The following SNX29 variants were observed in gnomAD, a reference collection of about 807,000 sequenced individuals.
The protein encoded by SNX29 is sorting nexin 29.
SNX29 carries 78 observed loss-of-function variants against 102.1 expected under a neutral mutation model. The ratio of observed to expected loss-of-function variants is 0.76; its 90% CI spans 0.64 to 0.92. SNX29 has a LOEUF of 0.92. Ranked by LOEUF, SNX29 falls within the 40% of genes least tolerant of loss-of-function variation. SNX29 has a pLI of 0.00. For missense variants in SNX29, 1,280 were observed against 1,061.7 expected (o/e 1.21, Z -2.86); for synonymous variants, 580 against 414.5 (o/e 1.40, Z -4.85).
At position 12,493,887 on chromosome 16, in the gene SNX29, C is replaced by T. The variant is rs575175854; in HGVS notation, c.2178+16028C>T. 5.3e-5 allele frequency among the ~76,000 whole-genome samples: 8 copies of T among 152,318 alleles called. No individual in the cohort carries two copies. The South Asian group carries it at 1.7e-3, about 32-fold the overall frequency. ...GGTTACAGGCGTGAGCCACCGCACC[C>T]AGCCCTCATTTTGTTTTTGATTCAC... On this transcript the variant is annotated intron_variant, in intron 19 of 20. Coordinates refer to ENST00000566228, the MANE Select transcript of SNX29 (RefSeq NM_032167.5).
chr16:12,532,730 G>GT (rs1192490691), intron 20 of SNX29, among the ~76,000 whole-genome samples: 1 of 152,114 alleles, frequency 6.6e-6, no homozygotes, highest in Non-Finnish European at 1.5e-5. Context: ...AGGAAGAGGT[G>GT]TTGGCCTTGG....
chr16:12,477,412 A>G (rs562269158), intron 18 of SNX29, among the ~76,000 whole-genome samples: 4 of 152,296 alleles, frequency 2.6e-5, no homozygotes, highest in Admixed American at 2.0e-4. Flanking sequence ...GCTGCAATAC[A>G]CACATGACAG....
intron 19 of SNX29, among the ~76,000 whole-genome samples, chr16:12,489,168 A>G (rs1010436645): frequency 2.0e-5 from 3 of 152,190 alleles, no homozygotes; most frequent in Admixed American, 2.0e-4. Flanking sequence ...TTGGAGAATA[A>G]TTGCTACCTT....
At chr16:12,402,949 T>C (rs1200714850) in intron 17 of SNX29, among the ~76,000 whole-genome samples, 1 of 152,194 alleles carries the variant, frequency 6.6e-6, no homozygotes, top group African/African-American at 2.4e-5. Context: ...AGCTCGTTTG[T>C]GGAGTCTGAT....
intron 16 of SNX29, among the ~76,000 whole-genome samples, chr16:12,374,199 T>A (rs2082789482): frequency 6.6e-6 from 1 of 152,222 alleles, no homozygotes; most frequent in Non-Finnish European, 1.5e-5. Context: ...TGGATGCTAA[T>A]AGTGTCTTCC....
intron 19 of SNX29, among the ~76,000 whole-genome samples, chr16:12,502,762 A>G (rs1051622208): frequency 1.3e-5 from 2 of 152,192 alleles, no homozygotes; most frequent in African/African-American, 4.8e-5. Flanking sequence ...AATAGGAGTA[A>G]TGGTACCTCC....
intron 9 of SNX29, among the ~76,000 whole-genome samples, chr16:12,066,416 T>C (rs2051039394): frequency 6.6e-6 from 1 of 152,132 alleles, no homozygotes; most frequent in Non-Finnish European, 1.5e-5. Flanking sequence ...GCTTACAGCC[T>C]AGTGCGACAT....
chr16:12,230,844 G>A (rs77152628), intron 14 of SNX29, among the ~76,000 whole-genome samples: 1 of 126,172 alleles, frequency 7.9e-6, no homozygotes, highest in Non-Finnish European at 1.7e-5. Flanking sequence ...ATGTATGTAT[G>A]TATATATGTA....
intron 20 of SNX29, among the ~76,000 whole-genome samples, chr16:12,553,321 CCT>C (rs2078107894): frequency 6.6e-6 from 1 of 152,170 alleles, no homozygotes; most frequent in South Asian, 2.1e-4. Context: ...TGGGAAACGC[CCT>C]AACAAGGCAG....
chr16:12,093,658 G>T (rs13336600), intron 11 of SNX29: 1 of 152,126 alleles, frequency 6.6e-6, no homozygotes, highest in Non-Finnish European at 1.5e-5. Context: ...CTCTGAACTC[G>T]TTTTCCCAGT....
intron 10 of SNX29, among the ~76,000 whole-genome samples, chr16:12,077,681 C>A (rs944402300): frequency 6.6e-6 from 1 of 152,036 alleles, no homozygotes; most frequent in African/African-American, 2.4e-5. Flanking sequence ...AGTGCAGTGG[C>A]GTGATCTTGG....
intron 20 of SNX29, among the ~76,000 whole-genome samples, chr16:12,565,219 C>T (rs1013065401): frequency 1.3e-5 from 2 of 152,216 alleles, no homozygotes; most frequent in East Asian, 1.9e-4. Flanking sequence ...GACAGCATTA[C>T]CAGTATTAGG....
At chr16:12,036,809 A>G (rs2151157417) in intron 4 of SNX29, among the ~76,000 whole-genome samples, 1 of 152,262 alleles carries the variant, frequency 6.6e-6, no homozygotes, top group African/African-American at 2.4e-5. Flanking sequence ...TGACTGAAGA[A>G]CATGCCCTGT....
At chr16:12,562,485 A>G (rs1359372876) in intron 20 of SNX29, among the ~76,000 whole-genome samples, 1 of 152,212 alleles carries the variant, frequency 6.6e-6, no homozygotes, top group Non-Finnish European at 1.5e-5. Context: ...CTCGAGTCCT[A>G]GAAAGGAGCA....
chr16:12,531,435 C>A (rs115847897), intron 20 of SNX29, among the ~76,000 whole-genome samples: 1 of 152,202 alleles, frequency 6.6e-6, no homozygotes, highest in Non-Finnish European at 1.5e-5. Context: ...CAGGGAGGGC[C>A]TGACCCAGAT....
intron 20 of SNX29, among the ~76,000 whole-genome samples, chr16:12,552,482 G>A (rs1267832450): frequency 6.6e-6 from 1 of 152,186 alleles, no homozygotes; most frequent in African/African-American, 2.4e-5. Context: ...CAACGATTGG[G>A]CCTCAGGAAT....
intron 14 of SNX29, among the ~76,000 whole-genome samples, chr16:12,244,308 T>C (rs903676304): frequency 1.2e-4 from 19 of 152,136 alleles, no homozygotes; most frequent in Admixed American, 5.2e-4. Context: ...GACTGTTTTT[T>C]CCTTGATAAA....
chr16:12,244,640 C>G (rs982718891), intron 14 of SNX29, among the ~76,000 whole-genome samples: 3 of 152,056 alleles, frequency 2.0e-5, no homozygotes, highest in Non-Finnish European at 4.4e-5. Flanking sequence ...ATCACCTATG[C>G]AGAATGGAGG....
At chr16:12,461,253 G>C (rs1277350015) in intron 18 of SNX29, among the ~76,000 whole-genome samples, 4 of 152,206 alleles carry the variant, frequency 2.6e-5, no homozygotes, top group Non-Finnish European at 4.4e-5. Context: ...GCCACCACAA[G>C]TCTGGTGCCT....
Sources: gnomAD v4.1 joint callset for allele counts (sites outside exome capture counted in the v4.1 genomes callset) on GRCh38, gnomAD v4.1.1 for gene constraint, MANE v1.5 for transcripts, NCBI Gene and HGNC (gene_info 2026-07-23, HGNC 2026-07-21) for gene names.